MBTD1: variants seen among roughly 807,000 people sequenced by gnomAD.
MBTD1 encodes mbt domain containing 1.
In MBTD1, 24 loss-of-function variants were observed where a neutral mutation model predicts 87.8. That is an observed-to-expected ratio of 0.27 (90% confidence interval 0.20 to 0.38). The LOEUF (loss-of-function observed/expected upper bound fraction) is 0.38, where lower values mean the gene tolerates loss of function less well. Ranked by LOEUF, MBTD1 falls within the 10% of genes least tolerant of loss-of-function variation. MBTD1 has a pLI of 1.00. For synonymous variants in MBTD1, 237 were observed against 248.6 expected (o/e 0.95, Z 0.44); for missense variants, 436 against 760.2 (o/e 0.57, Z 5.02).
intron 3 of MBTD1, among the ~76,000 whole-genome samples, chr17:51,224,738 C>A (rs1407745044): frequency 6.6e-6 from 1 of 152,198 alleles, no homozygotes; most frequent in East Asian, 1.9e-4. Flanking sequence ...CTTTCAGTTA[C>A]AGAGGCATTT....
At chr17:51,240,115 C>T (rs2054079560) in intron 2 of MBTD1, among the ~76,000 whole-genome samples, 1 of 152,060 alleles carries the variant, frequency 6.6e-6, no homozygotes. Context: ...AAATCTATAA[C>T]TGTTCTCAAA....
At position 51,202,687 on chromosome 17, in the gene MBTD1, T is replaced by G; in HGVS notation, c.1063+14A>C. ...ATGATGCTTTTGACAGGAGTTCTTG[T>G]GATAGGTGCTTACCAGATCTTTTGA... On this transcript the variant is annotated intron_variant, in intron 10 of 16. Coordinates refer to ENST00000586178, the MANE Select transcript of MBTD1 (RefSeq NM_017643.3). 6.3e-7 allele frequency: 1 copy of G among 1,591,434 alleles called. No individual in the cohort carries two copies. The highest frequency in any genetic ancestry group is 8.6e-7 in the Non-Finnish European group (1 of 1,159,364).
intron 6 of MBTD1, among the ~76,000 whole-genome samples, chr17:51,216,926 T>A (rs2052602874): frequency 6.6e-6 from 1 of 151,968 alleles, no homozygotes; most frequent in Non-Finnish European, 1.5e-5. Context: ...TGAGGCTGGG[T>A]ATGGTGGCTC....
In MBTD1 at chr17:51,192,843, G is replaced by A; in HGVS notation, c.1629C>T (p.Asp543=). ...YDQWVDCESP[D]LYPVGWCQLT... ...ACTGACACCACCCTACAGGATAGAG[G>A]TCAGGTGACTCACAGTCTACCCACT... Residue 543 remains aspartate (D), a synonymous_variant, in exon 15 of 17, where the codon GAC becomes GAT. Coordinates refer to ENST00000586178, the MANE Select transcript of MBTD1 (RefSeq NM_017643.3). 6.2e-7 allele frequency: 1 copy of A among 1,614,150 alleles called. No individual in the cohort carries two copies. The highest frequency in any genetic ancestry group is 8.5e-7 in the Non-Finnish European group (1 of 1,180,028).
At chr17:51,231,225 C>T (rs2053534566) in intron 2 of MBTD1, among the ~76,000 whole-genome samples, 2 of 152,138 alleles carry the variant, frequency 1.3e-5, no homozygotes, top group African/African-American at 4.8e-5. Context: ...TGTGAGCCAC[C>T]AGCCCGGCCA....
chr17:51,257,573 T>C (rs1316379298), intron 2 of MBTD1, among the ~76,000 whole-genome samples: 3 of 152,142 alleles, frequency 2.0e-5, no homozygotes, highest in African/African-American at 7.2e-5. Flanking sequence ...GATAATAAGG[T>C]CAACATATAA....
intron 10 of MBTD1, among the ~76,000 whole-genome samples, chr17:51,202,489 A>T (rs1382035706): frequency 6.6e-6 from 1 of 152,238 alleles, no homozygotes; most frequent in East Asian, 1.9e-4. Flanking sequence ...GACCAGAAGA[A>T]GTTCCTTCTT....
intron 2 of MBTD1, among the ~76,000 whole-genome samples, chr17:51,245,724 G>A (rs2054397998): frequency 6.6e-6 from 1 of 151,934 alleles, no homozygotes. Context: ...GTCTGTTCTT[G>A]TGCCAATGTC....
intron 16 of MBTD1, chr17:51,185,754 CAAGTTGT>C (rs1255542537): frequency 1.3e-5 from 2 of 152,080 alleles, no homozygotes; most frequent in African/African-American, 4.8e-5. Context: ...TGAAATATTC[CAAGTTGT>C]CTCACAATTC....
At chr17:51,244,043 A>C (rs2054297017) in intron 2 of MBTD1, among the ~76,000 whole-genome samples, 1 of 152,208 alleles carries the variant, frequency 6.6e-6, no homozygotes, top group Non-Finnish European at 1.5e-5. Context: ...GGTGTAGTCC[A>C]GTTTTCCACT....
chr17:51,229,407 T>C (rs374622507), intron 2 of MBTD1, among the ~76,000 whole-genome samples: 5 of 152,238 alleles, frequency 3.3e-5, no homozygotes, highest in South Asian at 4.1e-4. Flanking sequence ...TAGTATTACA[T>C]GACCAGTAAC....
At chr17:51,192,608 G>T in intron 15 of MBTD1, 174 bp downstream of exon 15, 1 of 1,151,272 alleles carries the variant, frequency 8.7e-7, no homozygotes, top group East Asian at 2.5e-5. Context: ...CATTGCCATG[G>T]GACACATGGT....
At chr17:51,188,903 C>T (rs1000348169) in intron 16 of MBTD1, among the ~76,000 whole-genome samples, 4 of 152,046 alleles carry the variant, frequency 2.6e-5, no homozygotes, top group Non-Finnish European at 5.9e-5. Context: ...GGATTACAGG[C>T]ATGCGCCACC....
rs2050851522 is a variant in MBTD1 at position 51,192,295 on chromosome 17, G to C, written c.1691-15C>G. 6.6e-7 allele frequency: 1 copy of C among 1,523,744 alleles called. No individual in the cohort carries two copies. Among genetic ancestry groups the C allele is most frequent in the Non-Finnish European group, 8.9e-7 (1 of 1,122,722 alleles). The allele number at this position is 1,523,744 out of a possible 1,614,324, so 94.4% of individuals were successfully genotyped here. The stretch of plus-strand genomic sequence containing the variant: ...TTCTCTTGATGCTGAAAAATAAAAA[G>C]GGAAAATTGGTACTAGATAATTGTT... On this transcript the variant is annotated splice_polypyrimidine_tract_variant and intron_variant, in intron 15 of 16. Coordinates refer to ENST00000586178, the MANE Select transcript of MBTD1 (RefSeq NM_017643.3).
At chr17:51,250,294 T>C (rs906928461) in intron 2 of MBTD1, 2 of 152,234 alleles carry the variant, frequency 1.3e-5, no homozygotes, top group Non-Finnish European at 2.9e-5. Flanking sequence ...TACTATTCTC[T>C]AGGTCCCTAC....
At chr17:51,191,234 G>A (rs943083991) in intron 16 of MBTD1, among the ~76,000 whole-genome samples, 3 of 151,218 alleles carry the variant, frequency 2.0e-5, no homozygotes, top group African/African-American at 7.3e-5. Context: ...TTCACTGTAA[G>A]GTAAAATATA....
At chr17:51,256,575 G>C (rs1351432691) in intron 2 of MBTD1, 1 of 152,158 alleles carries the variant, frequency 6.6e-6, no homozygotes, top group Non-Finnish European at 1.5e-5. Flanking sequence ...ATAATGATTA[G>C]TTATGCTTAG....
Position 51,178,126 on chromosome 17 carries a change from A to C in MBTD1, c.*2450T>G, listed in dbSNP as rs1322608574. On this transcript the variant is annotated 3_prime_UTR_variant, in exon 17 of 17. Coordinates refer to ENST00000586178, the MANE Select transcript of MBTD1 (RefSeq NM_017643.3). Reference sequence around the variant, plus strand: ...ACAAAACAAAACAAAAACAAACCCAAGGTCAGCAGTACATTTTGAACCGTA... The same window carrying C: ...ACAAAACAAAACAAAAACAAACCCACGGTCAGCAGTACATTTTGAACCGTA... 6.6e-6 allele frequency: 1 copy of C among 152,200 alleles called. No homozygotes were observed. Among genetic ancestry groups the C allele is most frequent in the Non-Finnish European group, 1.5e-5 (1 of 68,042 alleles). The allele number at this position is 152,200 out of a possible 1,614,324, so 9.4% of individuals were successfully genotyped here.
At chr17:51,180,737 A>G in intron 16 of MBTD1, 43 bp from the exon 17 acceptor site, 1 of 1,032,744 alleles carries the variant, frequency 9.7e-7, no homozygotes, top group East Asian at 2.6e-5. Context: ...AAGGCTCTCT[A>G]GAGTACTCGG....
Sources: gnomAD v4.1 joint callset for allele counts (sites outside exome capture counted in the v4.1 genomes callset) on GRCh38, gnomAD v4.1.1 for gene constraint, MANE v1.5 for transcripts, NCBI Gene and HGNC (gene_info 2026-07-23, HGNC 2026-07-21) for gene names.